MYLK: variants seen among roughly 807,000 people sequenced by gnomAD.
MYLK encodes myosin light chain kinase, also known as myosin light chain kinase, smooth muscle.
A neutral mutation model predicts 203.4 loss-of-function variants in MYLK; 106 were observed. The ratio of observed to expected loss-of-function variants is 0.52; its 90% CI spans 0.45 to 0.61. MYLK has a LOEUF of 0.61. MYLK is among the 20% of genes least tolerant of loss of function. The probability of loss-of-function intolerance (pLI) is 0.00; values close to 1 mark genes in which losing one functional copy is unlikely to be tolerated. For synonymous variants in MYLK, 867 were observed against 959.5 expected, an observed-to-expected ratio of 0.90 and a Z score of 1.78; for missense variants, 2,072 against 2,442.3, an observed-to-expected ratio of 0.85 and a Z score of 3.20.
In MYLK at chr3:123,766,433, G is replaced by A. The variant is rs536672211; in HGVS notation, c.166-13895C>T. Among the ~76,000 whole-genome samples the A allele has an allele frequency of 6.6e-5, 10 of 152,384 alleles. No homozygotes were observed. The East Asian group carries it at 1.5e-3, about 23-fold the overall frequency. Reference sequence around the variant, plus strand: ...TGCTGAGGACCATGGGAGCACGGAGGAGGGTGAGGGCTCCACAGAGGTGTT... The same window carrying A: ...TGCTGAGGACCATGGGAGCACGGAGAAGGGTGAGGGCTCCACAGAGGTGTT... On this transcript the variant is annotated intron_variant, in intron 4 of 33. Coordinates refer to ENST00000360304, the MANE Select transcript of MYLK (RefSeq NM_053025.4).
chr3:123,824,961 C>A (rs1352863711), intron 3 of MYLK, among the ~76,000 whole-genome samples: 1 of 151,938 alleles, frequency 6.6e-6, no homozygotes, highest in African/African-American at 2.4e-5. Flanking sequence ...CCAGCCCTGA[C>A]AACACAGCAA....
intron 2 of MYLK, among the ~76,000 whole-genome samples, chr3:123,875,926 T>C (rs1171135246): frequency 6.6e-6 from 1 of 152,214 alleles, no homozygotes; most frequent in African/African-American, 2.4e-5. Flanking sequence ...TAGAAAAAGA[T>C]ATCTAACTTT....
Position 123,744,757 on chromosome 3 carries a change from C to A in MYLK, c.374-4756G>T, listed in dbSNP as rs543966561. Among the ~76,000 whole-genome samples the A allele has an allele frequency of 5.9e-5, 9 of 152,080 alleles. No homozygotes were observed. In the East Asian group the frequency reaches 1.7e-3, roughly 29 times the overall value. On this transcript the variant is annotated intron_variant, in intron 5 of 33. Coordinates refer to ENST00000360304, the MANE Select transcript of MYLK (RefSeq NM_053025.4). The stretch of plus-strand genomic sequence containing the variant: ...CTAGGATGAAAACAGCAGTCATCTC[C>A]AAAAAATAATGGAAATACATAATTT...
At chr3:123,696,785 AC>A (rs1351857906) in intron 18 of MYLK, among the ~76,000 whole-genome samples, 2 of 151,952 alleles carry the variant, frequency 1.3e-5, no homozygotes, top group Non-Finnish European at 2.9e-5. Context: ...GTCCACCAAA[AC>A]CCCTAAACTG....
intron 14 of MYLK, 26 bp downstream of exon 14, chr3:123,709,730 C>A (rs765218726): frequency 1.4e-5 from 23 of 1,612,226 alleles, no homozygotes; most frequent in Admixed American, 1.7e-5. Flanking sequence ...CATGTTAATC[C>A]CCAAGAGAGA....
chr3:123,797,568 G>A (rs1490659008), intron 3 of MYLK, among the ~76,000 whole-genome samples: 4 of 152,070 alleles, frequency 2.6e-5, no homozygotes, highest in Non-Finnish European at 5.9e-5. Flanking sequence ...GTGAAGTGAT[G>A]ATACACTGTG....
At chr3:123,659,453 G>A (rs1161799576) in intron 23 of MYLK, among the ~76,000 whole-genome samples, 1 of 152,166 alleles carries the variant, frequency 6.6e-6, no homozygotes, top group Non-Finnish European at 1.5e-5. Flanking sequence ...TCACACAAGA[G>A]AAGATGCAAA....
intron 28 of MYLK, among the ~76,000 whole-genome samples, chr3:123,638,564 C>T (rs1044653355): frequency 6.6e-6 from 1 of 152,188 alleles, no homozygotes; most frequent in African/African-American, 2.4e-5. Flanking sequence ...ATGTACCCCA[C>T]CGGCAGCTTT....
chr3:123,713,577 CA>C (rs1332845226), intron 13 of MYLK, among the ~76,000 whole-genome samples: 235 of 109,724 alleles, frequency 2.1e-3, no homozygotes, highest in African/African-American at 5.8e-3. Flanking sequence ...AAGAGCAACA[CA>C]ATGTGTGTGT....
chr3:123,869,046 T>C (rs1401293546), intron 2 of MYLK, among the ~76,000 whole-genome samples: 1 of 152,110 alleles, frequency 6.6e-6, no homozygotes, highest in Non-Finnish European at 1.5e-5. Context: ...AGCTCTCCAG[T>C]AAAAGCCTTG....
intron 3 of MYLK, among the ~76,000 whole-genome samples, chr3:123,822,384 A>G (rs1383797796): frequency 6.6e-6 from 1 of 152,176 alleles, no homozygotes; most frequent in African/African-American, 2.4e-5. Flanking sequence ...CGCAGCCCAT[A>G]GAATTACTCC....
chr3:123,714,102 C>T (rs538044112), intron 13 of MYLK, among the ~76,000 whole-genome samples: 18 of 152,332 alleles, frequency 1.2e-4, no homozygotes, highest in Admixed American at 2.6e-4. Flanking sequence ...GCCCAGCGCT[C>T]CAGGATTCCA....
At chr3:123,698,795 A>C (rs2061043274) in intron 18 of MYLK, 1 of 153,898 alleles carries the variant, frequency 6.5e-6, no homozygotes, top group Non-Finnish European at 1.4e-5. Flanking sequence ...TGTAGAGGGA[A>C]GACAGACCCT....
rs1161776768 is a variant in MYLK at position 123,709,134 on chromosome 3, A to ATT, written c.1943-241_1943-240dup. The ATT allele has an allele frequency of 7.5e-3, 1,278 of 171,350 alleles. 7 individuals are homozygous for ATT. The highest frequency in any genetic ancestry group is 0.011 in the African/African-American group (328 of 29,912). The allele number at this position is 171,350 out of a possible 1,614,324, so 10.6% of individuals were successfully genotyped here. A position where few individuals can be genotyped will look rare whatever the true frequency, so the allele number is the denominator to read the frequency against. ...CTGAGATTTGGGAAGTTCTCACATA[A>ATT]TTTTTTTTTTTTTTTTTTTTTTTGA... On this transcript the variant is annotated intron_variant, in intron 14 of 33. Transcript: ENST00000360304.
At chr3:123,851,510 T>C (rs1357115341) in intron 2 of MYLK, among the ~76,000 whole-genome samples, 3 of 144,194 alleles carry the variant, frequency 2.1e-5, no homozygotes, top group African/African-American at 7.9e-5. Context: ...GAAGCAATTG[T>C]GAATGGGAGT....
chr3:123,625,304 A>G (rs2058082449), intron 31 of MYLK: 1 of 152,252 alleles, frequency 6.6e-6, no homozygotes, highest in African/African-American at 2.4e-5. Context: ...GGTGCGTGTT[A>G]CATCCTTTCA....
chr3:123,798,865 A>G (rs1165205480), intron 3 of MYLK, among the ~76,000 whole-genome samples: 1 of 152,192 alleles, frequency 6.6e-6, no homozygotes, highest in African/African-American at 2.4e-5. Context: ...TTACTGACAT[A>G]TGTGGAATGC....
chr3:123,860,410 T>C (rs2031790998), intron 2 of MYLK, among the ~76,000 whole-genome samples: 1 of 152,156 alleles, frequency 6.6e-6, no homozygotes, highest in Admixed American at 6.5e-5. Flanking sequence ...GACTTTTTGG[T>C]ATTTGAGCCT....
chr3:123,788,528 CCCTCT>C, intron 4 of MYLK, among the ~76,000 whole-genome samples: 1 of 145,754 alleles, frequency 6.9e-6, no homozygotes, highest in Non-Finnish European at 1.5e-5. Context: ...CTAATGCTAT[CCCTCT>C]CCCCTCCCCC....
Sources: allele counts gnomAD v4.1 joint callset (sites outside exome capture counted in the v4.1 genomes callset), GRCh38; gene constraint gnomAD v4.1.1; transcripts MANE v1.5; gene names NCBI Gene and HGNC (gene_info 2026-07-23, HGNC 2026-07-21).